CFAP61: variants seen among roughly 807,000 people sequenced by gnomAD.
The protein encoded by CFAP61 is cilia- and flagella-associated protein 61.
In CFAP61, 107 loss-of-function variants were observed where a neutral mutation model predicts 135.6. That is an observed-to-expected ratio of 0.79 (90% CI 0.67 to 0.93). CFAP61 has a LOEUF of 0.93. CFAP61 is among the 40% of genes least tolerant of loss of function. The pLI is 0.00. For synonymous variants in CFAP61, 575 were observed against 578.5 expected (o/e 0.99, Z 0.09); for missense variants, 1,507 against 1,556.2 (o/e 0.97, Z 0.53).
chr20:20,343,747 A>G (rs1157256087), intron 26 of CFAP61, among the ~76,000 whole-genome samples: 1 of 152,190 alleles, frequency 6.6e-6, no homozygotes, highest in Non-Finnish European at 1.5e-5. Flanking sequence ...TCTTAACCCC[A>G]GATCTGAGCT....
At chr20:20,334,094 G>C (rs2058090766) in intron 25 of CFAP61, among the ~76,000 whole-genome samples, 1 of 152,190 alleles carries the variant, frequency 6.6e-6, no homozygotes, top group African/African-American at 2.4e-5. Context: ...GGGAGCCCAG[G>C]GTGTGGGAGG....
intron 9 of CFAP61, among the ~76,000 whole-genome samples, chr20:20,148,432 C>T (rs907331803): frequency 1.6e-4 from 25 of 152,182 alleles, no homozygotes; most frequent in Admixed American, 1.4e-3. Context: ...TTTCTTTCAG[C>T]AGTGTTTTGT....
chr20:20,341,769 A>C, intron 25 of CFAP61, 62 bp from the exon 26 acceptor site: 1 of 1,182,820 alleles, frequency 8.5e-7, no homozygotes, highest in Non-Finnish European at 1.2e-6. Flanking sequence ...AAAGCAGGTA[A>C]ATACTTTATT....
chr20:20,201,078 A>C, intron 17 of CFAP61: 1 of 512,404 alleles, frequency 2.0e-6, no homozygotes, highest in Non-Finnish European at 2.5e-6. Context: ...TTAATGTGCA[A>C]TTAGTCATGG....
chr20:20,160,668 C>T (rs1375895073), intron 10 of CFAP61, among the ~76,000 whole-genome samples: 2 of 152,162 alleles, frequency 1.3e-5, no homozygotes, highest in East Asian at 1.9e-4. Flanking sequence ...AGAGAAAGCA[C>T]GATGTAGGCA....
chr20:20,345,131 G>A (rs553952905), intron 26 of CFAP61, among the ~76,000 whole-genome samples: 4 of 152,156 alleles, frequency 2.6e-5, no homozygotes, highest in Admixed American at 2.0e-4. Flanking sequence ...GATAAAGTGG[G>A]GATGATTAAT....
At position 20,314,105 on chromosome 20, in the gene CFAP61, C is replaced by T. The variant is rs563425562; in HGVS notation, c.3422+15719C>T. Among the ~76,000 whole-genome samples the T allele has an allele frequency of 1.1e-3, 167 of 151,334 alleles. 1 individual carries two copies. Among genetic ancestry groups the T allele is most frequent in the African/African-American group, 2.2e-3 (90 of 41,238 alleles). On this transcript the variant is annotated intron_variant, in intron 25 of 26. Transcript: ENST00000245957. Reference sequence around the variant, plus strand: ...TAGGGATCAAATTTCAACATGAGAGCGAGTGCAGTGGCTCGTGCCTATAAT... The same window carrying T: ...TAGGGATCAAATTTCAACATGAGAGTGAGTGCAGTGGCTCGTGCCTATAAT...
chr20:20,214,917 C>T (rs1269909006), intron 17 of CFAP61: 1 of 152,306 alleles, frequency 6.6e-6, no homozygotes, highest in Admixed American at 6.5e-5. Context: ...GAAGCATCCA[C>T]AGGGAGCAGA....
At chr20:20,306,087 A>G (rs1397857857) in intron 25 of CFAP61, among the ~76,000 whole-genome samples, 2 of 151,788 alleles carry the variant, frequency 1.3e-5, no homozygotes, top group African/African-American at 4.8e-5. Flanking sequence ...AGCATATGTC[A>G]CCTCCCACCT....
chr20:20,354,488 G>C (rs944713327), intron 26 of CFAP61, among the ~76,000 whole-genome samples: 5 of 125,948 alleles, frequency 4.0e-5, no homozygotes, highest in Non-Finnish European at 8.1e-5. Flanking sequence ...GGGTGACAGA[G>C]AGAGACCTTG....
chr20:20,282,098 A>G (rs774573431), intron 22 of CFAP61, among the ~76,000 whole-genome samples: 11 of 152,120 alleles, frequency 7.2e-5, no homozygotes, highest in Non-Finnish European at 1.0e-4. Flanking sequence ...ATCTGTAGTA[A>G]TAACCCCTCA....
rs113701173 is a variant in CFAP61, at chr20:20,210,805, C to T, written c.1932+10903C>T. Among the ~76,000 whole-genome samples the T allele has an allele frequency of 9.0e-3, 1,375 of 152,284 alleles. 22 individuals carry two copies. The highest frequency in any genetic ancestry group is 0.031 in the African/African-American group (1,307 of 41,556). On this transcript the variant is annotated intron_variant, in intron 17 of 26. Transcript: ENST00000245957. ...TTTTTATTAAAACTTTCACTTGTTA[C>T]ATCCCGTTAATAAATTCTAGTTTTA...
At chr20:20,086,463 C>T (rs900435785) in intron 6 of CFAP61, among the ~76,000 whole-genome samples, 3 of 151,772 alleles carry the variant, frequency 2.0e-5, no homozygotes, top group African/African-American at 7.3e-5. Flanking sequence ...TGATGGTTTC[C>T]AGCTTCATCC....
chr20:20,196,861 C>T (rs1314562314), intron 16 of CFAP61, 85 bp downstream of exon 16: 17 of 1,176,436 alleles, frequency 1.4e-5, no homozygotes, highest in Non-Finnish European at 1.9e-5. Flanking sequence ...ATTCATTCCT[C>T]TCATGATGGG....
rs569072073 is a variant in CFAP61 at position 20,140,318 on chromosome 20, T to A, written c.860-2539T>A. On this transcript the variant is annotated intron_variant, in intron 8 of 26. Coordinates refer to ENST00000245957, the MANE Select transcript of CFAP61 (RefSeq NM_015585.4). ...TTAACTCGTCATTTAGCATTAGGTATATCTCCTAATGCTATCCCTCCCACC... is the reference window on the plus strand; with the variant it reads ...TTAACTCGTCATTTAGCATTAGGTAAATCTCCTAATGCTATCCCTCCCACC... Among the ~76,000 whole-genome samples the A allele has an allele frequency of 9.8e-4, 148 of 151,332 alleles. 2 individuals are homozygous for A. The South Asian group carries it at 0.011, about 11-fold the overall frequency.
chr20:20,128,285 C>T (rs749148458), intron 8 of CFAP61, among the ~76,000 whole-genome samples: 34 of 151,810 alleles, frequency 2.2e-4, no homozygotes, highest in Middle Eastern at 6.8e-3. Flanking sequence ...CTCCTCTGGC[C>T]GCCCTTCTGA....
chr20:20,181,223 A>G (rs28660018), intron 13 of CFAP61, among the ~76,000 whole-genome samples: 1 of 148,834 alleles, frequency 6.7e-6, no homozygotes, highest in African/African-American at 2.5e-5. Context: ...ACATATGTGT[A>G]TATATATAAC....
At chr20:20,299,138 C>G (rs1601886976) in intron 25 of CFAP61, among the ~76,000 whole-genome samples, 1 of 152,298 alleles carries the variant, frequency 6.6e-6, no homozygotes, top group East Asian at 1.9e-4. Flanking sequence ...CCATCAATCT[C>G]TCTTGCCTCT....
intron 16 of CFAP61, among the ~76,000 whole-genome samples, chr20:20,199,241 G>T (rs922089094): frequency 2.0e-5 from 3 of 151,528 alleles, no homozygotes; most frequent in East Asian, 1.9e-4. Flanking sequence ...AACAGTTTTT[G>T]TTGTTGTTGT....
Sources: allele counts gnomAD v4.1 joint callset (sites outside exome capture counted in the v4.1 genomes callset), GRCh38; gene constraint gnomAD v4.1.1; transcripts MANE v1.5; gene names NCBI Gene and HGNC (gene_info 2026-07-23, HGNC 2026-07-21).